Variants in ME1 observed in about 807,000 individuals in gnomAD.
ME1 encodes the protein malic enzyme 1.
Under a neutral mutation model 66.4 loss-of-function variants are expected in ME1, and 74 were observed. The observed-to-expected ratio is 1.11, with a 90% confidence interval of 0.92 to 1.35. The LOEUF (loss-of-function observed/expected upper bound fraction) is 1.35, where lower values mean the gene tolerates loss of function less well. ME1 is among the 40% of genes most tolerant of loss of function. The pLI, the probability that ME1 is intolerant of heterozygous loss-of-function variation, is 0.00. For missense variants in ME1, 750 were observed against 694.1 expected (o/e 1.08, Z -0.90); for synonymous variants, 251 against 235.6 (o/e 1.07, Z -0.60).
At chr6:83,236,654 A>G (rs1790407206) in intron 9 of ME1, among the ~76,000 whole-genome samples, 1 of 152,240 alleles carries the variant, frequency 6.6e-6, no homozygotes, top group Non-Finnish European at 1.5e-5. Flanking sequence ...AGATACTATT[A>G]TCACTATTAA....
At chr6:83,278,844 C>T (rs1767238557) in intron 6 of ME1, among the ~76,000 whole-genome samples, 1 of 152,242 alleles carries the variant, frequency 6.6e-6, no homozygotes, top group East Asian at 1.9e-4. Flanking sequence ...CAGATCCTAA[C>T]TTAATGGGGT....
chr6:83,228,824 A>G lies in ME1; in HGVS notation c.1132+2T>C, dbSNP rs1350865267. The G allele has an allele frequency of 5.7e-6, 9 of 1,590,980 alleles. No homozygotes were observed. Among genetic ancestry groups the G allele is most frequent in the Non-Finnish European group, 7.7e-6 (9 of 1,165,582 alleles). Reference sequence around the variant, plus strand: ...GGAGAAGGGAGAGGAGAAAATGCTTACCTATGAGGGCAGTTGGTTTTATTT... The same window carrying G: ...GGAGAAGGGAGAGGAGAAAATGCTTGCCTATGAGGGCAGTTGGTTTTATTT... On this transcript the variant is annotated splice_donor_variant, in intron 10 of 13. Transcript: ENST00000369705. LOFTEE classifies it high-confidence loss of function.
chr6:83,307,607 A>C (rs1562476417), intron 6 of ME1, among the ~76,000 whole-genome samples: 1 of 152,130 alleles, frequency 6.6e-6, no homozygotes, highest in African/African-American at 2.4e-5. Flanking sequence ...TAAGTTATAA[A>C]TATATCCCCG....
chr6:83,276,317 T>C (rs1767182561), intron 6 of ME1, among the ~76,000 whole-genome samples: 1 of 152,202 alleles, frequency 6.6e-6, no homozygotes, highest in Admixed American at 6.5e-5. Context: ...GAATTGATAA[T>C]GTTAAGCTAG....
rs768668584 is a variant in ME1, at chr6:83,376,804, C to CCAAAAAAAAAAAAAAAAAAAAAAAAAAA, written c.362+21562_362+21563insTTTTTTTTTTTTTTTTTTTTTTTTTTTG. ...GGCGACAGAACCAGACCCTGTCTCA[C>CCAAAAAAAAAAAAAAAAAAAAAAAAAAA]AAAAAAAAAAAAAAAATTCAAAAAA... On this transcript the variant is annotated intron_variant, in intron 3 of 13. Coordinates refer to ENST00000369705, the MANE Select transcript of ME1 (RefSeq NM_002395.6). Among the ~76,000 whole-genome samples, 13 of 87,126 alleles carry CCAAAAAAAAAAAAAAAAAAAAAAAAAAA rather than the reference C, an allele frequency of 1.5e-4. 1 individual carries two copies. Among genetic ancestry groups the CCAAAAAAAAAAAAAAAAAAAAAAAAAAA allele is most frequent in the African/African-American group, 5.1e-4 (13 of 25,644 alleles). 57.2% of individuals were successfully genotyped at this position (87,126 alleles called of 152,430 possible).
At chr6:83,300,760 C>T (rs868092442) in intron 6 of ME1, among the ~76,000 whole-genome samples, 23 of 151,666 alleles carry the variant, frequency 1.5e-4, no homozygotes, top group East Asian at 1.9e-4. Flanking sequence ...ATGTTTATTG[C>T]GGCACTATTC....
At chr6:83,258,695 A>G (rs148155152) in intron 6 of ME1, among the ~76,000 whole-genome samples, 189 of 152,304 alleles carry the variant, frequency 1.2e-3, no homozygotes, top group African/African-American at 4.3e-3. Flanking sequence ...GATTATCTCA[A>G]TTCTGTCAGC....
intron 1 of ME1, among the ~76,000 whole-genome samples, chr6:83,415,962 G>A (rs1770152549): frequency 6.6e-6 from 1 of 152,128 alleles, no homozygotes; most frequent in Non-Finnish European, 1.5e-5. Flanking sequence ...ATTGTAATAA[G>A]CCATACACTA....
chr6:83,225,205 C>CGAAAAAAAAAAAAAAAAAAAAAAA (rs1386353254), intron 11 of ME1, among the ~76,000 whole-genome samples: 1 of 40,498 alleles, frequency 2.5e-5, no homozygotes, highest in African/African-American at 8.3e-5. Flanking sequence ...GACTCCATCT[C>CGAAAAAAAAAAAAAAAAAAAAAAA]AAAAAAAAAA....
At chr6:83,282,969 C>T (rs999403167) in intron 6 of ME1, among the ~76,000 whole-genome samples, 10 of 151,686 alleles carry the variant, frequency 6.6e-5, no homozygotes, top group Admixed American at 2.0e-4. Flanking sequence ...TGGCTCAAGC[C>T]TGTAATCCCA....
At chr6:83,408,490 G>A (rs1769988841) in intron 1 of ME1, among the ~76,000 whole-genome samples, 1 of 151,990 alleles carries the variant, frequency 6.6e-6, no homozygotes, top group Admixed American at 6.6e-5. Flanking sequence ...CTGTTTCTCT[G>A]CCCTTTATGT....
intron 6 of ME1, among the ~76,000 whole-genome samples, chr6:83,289,408 C>T (rs1485026339): frequency 6.6e-6 from 1 of 152,126 alleles, no homozygotes; most frequent in Non-Finnish European, 1.5e-5. Context: ...TTGAGATAAT[C>T]ATGTGGTTTT....
chr6:83,342,738 A>G (rs1427765410), intron 5 of ME1, among the ~76,000 whole-genome samples: 1 of 151,864 alleles, frequency 6.6e-6, no homozygotes, highest in Non-Finnish European at 1.5e-5. Context: ...CCCAGGCTGG[A>G]GTGCAATGTT....
At chr6:83,401,767 T>G (rs1160932779) in intron 2 of ME1, among the ~76,000 whole-genome samples, 1 of 152,186 alleles carries the variant, frequency 6.6e-6, no homozygotes, top group Admixed American at 6.5e-5. Context: ...CTGGCTATTA[T>G]AGCCACTTCT....
intron 6 of ME1, among the ~76,000 whole-genome samples, chr6:83,293,235 T>C (rs1145911): frequency 0.48 from 72,368 of 151,988 alleles, 18,885 homozygotes; most frequent in African/African-American, 0.7. Context: ...TCGATCTTGC[T>C]GGGAGCTGTA....
intron 6 of ME1, among the ~76,000 whole-genome samples, chr6:83,255,632 T>C (rs1766751232): frequency 6.6e-6 from 1 of 152,150 alleles, no homozygotes; most frequent in Admixed American, 6.6e-5. Flanking sequence ...CTGTTTTCTA[T>C]ATAATCACCC....
chr6:83,244,407 C>T (rs1380616197), intron 7 of ME1, among the ~76,000 whole-genome samples: 1 of 151,988 alleles, frequency 6.6e-6, no homozygotes, highest in Non-Finnish European at 1.5e-5. Flanking sequence ...TGATATGAGG[C>T]TAGAGAAGTT....
Position 83,407,809 on chromosome 6 carries a change from T to C in ME1, c.171A>G (p.Arg57=), listed in dbSNP as rs1769974989. 6.2e-7 allele frequency: 1 copy of C among 1,611,974 alleles called. No individual in the cohort carries two copies. Among genetic ancestry groups the C allele is most frequent in the East Asian group, 2.2e-5 (1 of 44,838 alleles). ...TCAGATGCTCGAAATTTTTTACTAC[T>C]CTAAGAACCTGGATCTCCTGACTGT... ...SFNSQEIQVL[R]VVKNFEHLNS... is the part of the protein sequence containing the mutation. Residue 57 remains arginine (R), a synonymous_variant, in exon 2 of 14, where the codon AGA becomes AGG. Transcript: ENST00000369705.
At chr6:83,311,885 A>G (rs975517690) in intron 6 of ME1, among the ~76,000 whole-genome samples, 3 of 152,126 alleles carry the variant, frequency 2.0e-5, no homozygotes, top group African/African-American at 7.2e-5. Flanking sequence ...TTGCATCCCT[A>G]GAGGCAAAAC....
Sources: gnomAD v4.1 joint callset for allele counts (sites outside exome capture counted in the v4.1 genomes callset) on GRCh38, gnomAD v4.1.1 for gene constraint, MANE v1.5 for transcripts, NCBI Gene and HGNC (gene_info 2026-07-23, HGNC 2026-07-21) for gene names.